The following HERC3 variants were observed in gnomAD, a reference collection of about 807,000 sequenced individuals.
The protein encoded by HERC3 is probable E3 ubiquitin-protein ligase HERC3.
A neutral mutation model predicts 129.9 loss-of-function variants in HERC3; 58 were observed. That is an observed-to-expected ratio of 0.45 (90% CI 0.36 to 0.56). The LOEUF is 0.56. Among genes scored for constraint, HERC3 ranks in the 20% least tolerant of loss-of-function variants. The pLI is 0.00. For synonymous variants in HERC3, 430 were observed against 451.0 expected (o/e 0.95, Z 0.59); for missense variants, 835 against 1,244.2 (o/e 0.67, Z 4.95).
At chr4:88,608,140 T>C (rs1308227846) in intron 3 of HERC3, among the ~76,000 whole-genome samples, 1 of 152,238 alleles carries the variant, frequency 6.6e-6, no homozygotes, top group Admixed American at 6.5e-5. Context: ...GTGACCATGT[T>C]CCGTAGTTTC....
intron 2 of HERC3, among the ~76,000 whole-genome samples, chr4:88,602,055 C>CAAA (rs1266941147): frequency 2.3e-5 from 1 of 43,824 alleles, no homozygotes. Context: ...GACTCCGTCT[C>CAAA]AAAAAAAAAA....
At chr4:88,539,411 A>G in the HERC3 span, among the ~76,000 whole-genome samples, 1 of 152,202 alleles carries the variant, frequency 6.6e-6, no homozygotes, top group Admixed American at 6.5e-5. Context: ...TAAACAAAGC[A>G]GCCAGGAAGC....
At chr4:88,595,448 T>C (rs1201780918) in intron 1 of HERC3, 109 bp from the exon 2 acceptor site, 2 of 152,246 alleles carry the variant, frequency 1.3e-5, no homozygotes, top group Non-Finnish European at 2.9e-5. Context: ...TTGAGTAATT[T>C]AAAGATATTC....
intron 3 of HERC3, among the ~76,000 whole-genome samples, chr4:88,641,515 A>C (rs910513268): frequency 6.6e-6 from 1 of 152,212 alleles, no homozygotes; most frequent in African/African-American, 2.4e-5. Flanking sequence ...ATGGAACCAA[A>C]AGCTAGCTCT....
chr4:88,583,754 A>AAGCTCTAGCCAGGGAGTAC, the HERC3 span: 1 of 152,212 alleles, frequency 6.6e-6, no homozygotes, highest in Non-Finnish European at 1.5e-5. Context: ...GCTTATTGGA[A>AAGCTCTAGCCAGGGAGTAC]AGCTCTAGCC....
chr4:88,524,489 G>A, the HERC3 span, among the ~76,000 whole-genome samples: 1 of 152,194 alleles, frequency 6.6e-6, no homozygotes, highest in Non-Finnish European at 1.5e-5. Flanking sequence ...CACTCTCCAA[G>A]AAAGTGACCA....
In HERC3 at chr4:88,706,971, C is replaced by G. The variant is rs772704121; in HGVS notation, c.*11C>G. The G allele has an allele frequency of 8.7e-6, 14 of 1,606,020 alleles. No individual in the cohort carries two copies. Among genetic ancestry groups the G allele is most frequent in the African/African-American group, 1.3e-5 (1 of 74,778 alleles). On this transcript the variant is annotated 3_prime_UTR_variant, in exon 26 of 26. Transcript: ENST00000402738. Reference sequence around the variant, plus strand: ...TTTAGTTTGGCCTGAGGCTTCTCAGCTTGTCCAGTATTTCCCTTCGTTCCT... The same window carrying G: ...TTTAGTTTGGCCTGAGGCTTCTCAGGTTGTCCAGTATTTCCCTTCGTTCCT...
the HERC3 span, among the ~76,000 whole-genome samples, chr4:88,530,067 A>G: frequency 6.6e-6 from 1 of 152,150 alleles, no homozygotes; most frequent in Non-Finnish European, 1.5e-5. Context: ...AGGCAGGCGG[A>G]TCACCTGAGG....
the HERC3 span, among the ~76,000 whole-genome samples, chr4:88,533,035 T>C: frequency 2.6e-5 from 4 of 152,088 alleles, no homozygotes; most frequent in African/African-American, 9.7e-5. Context: ...CCAGTCTGAG[T>C]CCCAAAACCT....
intron 20 of HERC3, among the ~76,000 whole-genome samples, chr4:88,680,713 A>C (rs1732685569): frequency 6.6e-6 from 1 of 152,244 alleles, no homozygotes; most frequent in Non-Finnish European, 1.5e-5. Context: ...GATCTGCACC[A>C]TACCAAAAGG....
chr4:88,672,884 C>G (rs78734667), intron 16 of HERC3, among the ~76,000 whole-genome samples: 1 of 151,956 alleles, frequency 6.6e-6, no homozygotes, highest in Non-Finnish European at 1.5e-5. Context: ...CTGCTAGTCA[C>G]AGTGGAAACA....
At chr4:88,530,756 A>G in the HERC3 span, among the ~76,000 whole-genome samples, 9 of 152,234 alleles carry the variant, frequency 5.9e-5, no homozygotes, top group Non-Finnish European at 1.3e-4. Context: ...TGTGTATAAC[A>G]TTTCAAAACT....
chr4:88,663,096 T>C (rs1160969916), intron 11 of HERC3, among the ~76,000 whole-genome samples: 1 of 152,204 alleles, frequency 6.6e-6, no homozygotes, highest in Non-Finnish European at 1.5e-5. Flanking sequence ...TCATTGGCTT[T>C]CCTCAGCCTC....
At chr4:88,620,262 C>T (rs964388826) in intron 3 of HERC3, among the ~76,000 whole-genome samples, 4 of 152,188 alleles carry the variant, frequency 2.6e-5, no homozygotes, top group South Asian at 2.1e-4. Context: ...TATCTTCAGC[C>T]TCAACTACTT....
At chr4:88,530,953 G>C in the HERC3 span, among the ~76,000 whole-genome samples, 1 of 152,232 alleles carries the variant, frequency 6.6e-6, no homozygotes, top group Admixed American at 6.5e-5. Flanking sequence ...AGGTTCAAGT[G>C]ATTCTCCTGG....
At chr4:88,612,090 T>C (rs1053605272) in intron 3 of HERC3, among the ~76,000 whole-genome samples, 1 of 152,204 alleles carries the variant, frequency 6.6e-6, no homozygotes, top group Admixed American at 6.5e-5. Flanking sequence ...ATTCATTTTT[T>C]TGGGATGCAT....
intron 2 of HERC3, among the ~76,000 whole-genome samples, chr4:88,602,345 T>C (rs1341868133): frequency 7.5e-6 from 1 of 134,186 alleles, no homozygotes; most frequent in Non-Finnish European, 1.5e-5. Flanking sequence ...TAGGTTGCAG[T>C]GAGCTGAGAT....
At chr4:88,553,506 A>G in the HERC3 span, among the ~76,000 whole-genome samples, 1 of 152,242 alleles carries the variant, frequency 6.6e-6, no homozygotes, top group Non-Finnish European at 1.5e-5. Flanking sequence ...TAAAAGAATG[A>G]CATGGGAAAA....
At chr4:88,605,528 C>T (rs1022964446) in intron 2 of HERC3, among the ~76,000 whole-genome samples, 1 of 152,178 alleles carries the variant, frequency 6.6e-6, no homozygotes, top group Non-Finnish European at 1.5e-5. Context: ...TAGCAGTGAT[C>T]TGAAAACCAT....
Sources: gnomAD v4.1 joint callset for allele counts (sites outside exome capture counted in the v4.1 genomes callset) on GRCh38, gnomAD v4.1.1 for gene constraint, MANE v1.5 for transcripts, NCBI Gene and HGNC (gene_info 2026-07-23, HGNC 2026-07-21) for gene names.